Variants in TDRD6 observed in about 807,000 individuals in gnomAD.
The protein encoded by TDRD6 is tudor domain-containing protein 6.
Under a neutral mutation model 157.5 loss-of-function variants are expected in TDRD6, and 186 were observed. The ratio of observed to expected loss-of-function variants is 1.18; its 90% confidence interval spans 1.05 to 1.33. The LOEUF (loss-of-function observed/expected upper bound fraction) is 1.33, where lower values mean the gene tolerates loss of function less well. Ranked by LOEUF, TDRD6 falls within the 40% of genes most tolerant of loss-of-function variation. The pLI, the probability that TDRD6 is intolerant of heterozygous loss-of-function variation, is 0.00. For synonymous variants in TDRD6, 1,075 were observed against 945.2 expected, an observed-to-expected ratio of 1.14 and a Z score of -2.52; for missense variants, 3,066 against 2,508.0, an observed-to-expected ratio of 1.22 and a Z score of -4.75.
rs765123853 is a variant in TDRD6, at chr6:46,694,154, G to T, written c.6026G>T (p.Gly2009Val). The T allele has an allele frequency of 3.9e-6, 6 of 1,549,106 alleles. No homozygotes were observed. The African/African-American group carries it at 4.2e-5, about 11-fold the overall frequency. The change falls in exon 1 of 4, where the codon GGT becomes GTT. Residue 2009 changes from glycine (G) to valine (V), a missense_variant. Coordinates refer to ENST00000316081, the MANE Select transcript of TDRD6 (RefSeq NM_001010870.3). The part of the protein sequence containing the change: ...ESSDGSKHNN[G>V]LPDHISAQLQ... ...AGTGATGGAAGCAAGCACAATAATG[G>T]TTTACCAGATCATATCTCAGGTATG... is the stretch of plus-strand genomic sequence containing the variant.
chr6:46,683,586 TGA>T (rs1764013575), upstream of TDRD6, among the ~76,000 whole-genome samples: 1 of 152,214 alleles, frequency 6.6e-6, no homozygotes, highest in East Asian at 1.9e-4. Flanking sequence ...TATGAAAGTG[TGA>T]GTTTTACTGT....
In TDRD6 at chr6:46,691,763, C is replaced by A; in HGVS notation, c.3635C>A (p.Ser1212Ter). ...KLPNKEILEE[S>*]YKPQINSSYK... Reference sequence around the variant, plus strand: ...CCTAATAAAGAAATTTTGGAAGAGTCATATAAACCTCAGATCAACTCATCA... The same window carrying A: ...CCTAATAAAGAAATTTTGGAAGAGTAATATAAACCTCAGATCAACTCATCA... Residue 1212 changes from serine to a stop codon, truncating the protein, a stop_gained, in exon 1 of 4, where the codon TCA becomes TAA. Coordinates refer to ENST00000316081, the MANE Select transcript of TDRD6 (RefSeq NM_001010870.3). LOFTEE classifies it high-confidence loss of function. 6.3e-7 allele frequency: 1 copy of A among 1,594,798 alleles called. No individual in the cohort carries two copies. The highest frequency in any genetic ancestry group is 1.1e-5 in the South Asian group (1 of 87,238).
chr6:46,698,736 C>T (rs1764554718), intron 3 of TDRD6, among the ~76,000 whole-genome samples: 1 of 152,160 alleles, frequency 6.6e-6, no homozygotes, highest in South Asian at 2.1e-4. Context: ...AAATGGTCAG[C>T]TTTTCTTGGT....
At position 46,689,581 on chromosome 6, in the gene TDRD6, A is replaced by T; in HGVS notation, c.1453A>T (p.Met485Leu). 1 of 1,614,168 alleles carries T rather than the reference A, an allele frequency of 6.2e-7. No homozygotes were observed. The highest frequency in any genetic ancestry group is 1.1e-5 in the South Asian group (1 of 91,084). The change falls in exon 1 of 4, where the codon ATG becomes TTG. Residue 485 changes from methionine (M) to leucine (L), a missense_variant. By Grantham distance (15) the Met-to-Leu change is conservative. Transcript: ENST00000316081. ...AGCCTTAAGATCTATCAGGTTAAAG[A>T]TGAATGCCTTCTACGATGCGCAGGT... ...LPALRSIRLK[M>L]NAFYDAQVEF...
intron 3 of TDRD6, among the ~76,000 whole-genome samples, chr6:46,700,767 T>C (rs1216921276): frequency 6.6e-6 from 1 of 152,180 alleles, no homozygotes; most frequent in Non-Finnish European, 1.5e-5. Flanking sequence ...AAAGGGTACT[T>C]TACTCCCTGT....
In TDRD6 at chr6:46,689,597, A is replaced by C. The variant is rs749855993; in HGVS notation, c.1469A>C (p.Asp490Ala). 1 of 1,614,164 alleles carries C rather than the reference A, an allele frequency of 6.2e-7. No individual in the cohort carries two copies. Among genetic ancestry groups the C allele is most frequent in the Non-Finnish European group, 8.5e-7 (1 of 1,180,032 alleles). ...SIRLKMNAFY[D>A]AQVEFVKNPS... ...AGGTTAAAGATGAATGCCTTCTACG[A>C]TGCGCAGGTAGAGTTTGTTAAAAAT... is the stretch of plus-strand genomic sequence containing the variant. The change falls in exon 1 of 4, where the codon GAT becomes GCT. Residue 490 changes from aspartate to alanine, a missense_variant. Asp to Ala is a moderately radical substitution (Grantham distance 126, BLOSUM62 -2). Transcript: ENST00000316081.
rs1286012828 is a variant in TDRD6 at position 46,692,329 on chromosome 6, ATAGG to A, written c.4206_4209del (p.Arg1403LeufsTer31). The A allele has an allele frequency of 6.2e-6, 10 of 1,614,188 alleles. No individual in the cohort carries two copies. The highest frequency in any genetic ancestry group is 1.1e-5 in the South Asian group (1 of 91,086). ...TGTTTCTGTGGTTCATACTAACAAAATAGGTAGGCTTGACCTTGTTAATGCAATA... is the reference window on the plus strand; with the variant it reads ...TGTTTCTGTGGTTCATACTAACAAAATAGGCTTGACCTTGTTAATGCAATA... On this transcript the variant is annotated frameshift_variant, in exon 1 of 4. Coordinates refer to ENST00000316081, the MANE Select transcript of TDRD6 (RefSeq NM_001010870.3). LOFTEE classifies it high-confidence loss of function.
chr6:46,681,871 G>A, the TDRD6 span, among the ~76,000 whole-genome samples: 1 of 152,040 alleles, frequency 6.6e-6, no homozygotes, highest in Non-Finnish European at 1.5e-5. Context: ...CTAGAATAAT[G>A]AAAATTCATA....
intron 3 of TDRD6, chr6:46,701,116 T>G (rs1764614686): frequency 2.6e-6 from 1 of 378,816 alleles, no homozygotes; most frequent in East Asian, 9.2e-5. Context: ...TACAATTTCT[T>G]AAAAATATTG....
In TDRD6 at chr6:46,690,526, A is replaced by G; in HGVS notation, c.2398A>G (p.Thr800Ala). 1 of 1,613,946 alleles carries G rather than the reference A, an allele frequency of 6.2e-7. No individual in the cohort carries two copies. Among genetic ancestry groups the G allele is most frequent in the Non-Finnish European group, 8.5e-7 (1 of 1,179,992 alleles). Reference sequence around the variant, plus strand: ...GACCAGGAACATACAAGGACTTAAAACTCTAATGTCTGATATTCAGTACTA... The same window carrying G: ...GACCAGGAACATACAAGGACTTAAAGCTCTAATGTCTGATATTCAGTACTA... The part of the protein sequence containing the change: ...QLTRNIQGLK[T>A]LMSDIQYYCK... Residue 800 changes from threonine to alanine, a missense_variant, in exon 1 of 4, where the codon ACT (threonine) becomes GCT (alanine). Coordinates refer to ENST00000316081, the MANE Select transcript of TDRD6 (RefSeq NM_001010870.3).
In TDRD6 at chr6:46,690,429, G is replaced by A; in HGVS notation, c.2301G>A (p.Glu767=). 6.2e-7 allele frequency: 1 copy of A among 1,614,080 alleles called. No homozygotes were observed. The highest frequency in any genetic ancestry group is 8.5e-7 in the Non-Finnish European group (1 of 1,180,022). ...AGCCAGGCTCCTCTAGTAAAGGAGAGCTGGAAGTTGGAAGTACAGTAGAAG... is the reference window on the plus strand; with the variant it reads ...AGCCAGGCTCCTCTAGTAAAGGAGAACTGGAAGTTGGAAGTACAGTAGAAG... ...EIKPGSSSKG[E]LEVGSTVEVR... is the part of the protein sequence containing the mutation. The change falls in exon 1 of 4, where the codon GAG becomes GAA. Residue 767 remains glutamate, a synonymous_variant. Coordinates refer to ENST00000316081, the MANE Select transcript of TDRD6 (RefSeq NM_001010870.3).
Position 46,690,816 on chromosome 6 carries a change from T to G in TDRD6, c.2688T>G (p.Phe896Leu). ...NLIQPVGQNP[F>L]VWDVKAIQAF... ...TTCAACCAGTTGGCCAGAATCCCTT[T>G]GTTTGGGATGTAAAGGCAATACAAG... The change falls in exon 1 of 4, where the codon TTT becomes TTG. Residue 896 changes from phenylalanine to leucine, a missense_variant. By Grantham distance (22) the Phe-to-Leu change is conservative. Transcript: ENST00000316081. The G allele has an allele frequency of 1.2e-6, 2 of 1,613,916 alleles. No individual in the cohort carries two copies. The highest frequency in any genetic ancestry group is 2.2e-5 in the South Asian group (2 of 91,062).
At chr6:46,680,314 G>T in the TDRD6 span, among the ~76,000 whole-genome samples, 43 of 151,364 alleles carry the variant, frequency 2.8e-4, no homozygotes, top group African/African-American at 8.5e-4. Flanking sequence ...AACGGAGGGA[G>T]ACTCTGTCCG....
chr6:46,689,929 A>C lies in TDRD6; in HGVS notation c.1801A>C (p.Thr601Pro), dbSNP rs755174374. The change falls in exon 1 of 4, where the codon ACC becomes CCC. Residue 601 changes from threonine to proline, a missense_variant. Transcript: ENST00000316081. ...GCTACCAATATTGGCTGTGAAGTGC[A>C]CCCTGGCTGATATTTGGCCTTTGGG... is the stretch of plus-strand genomic sequence containing the variant. ...RQLPILAVKC[T>P]LADIWPLGKT... 2 of 1,614,162 alleles carry C rather than the reference A, an allele frequency of 1.2e-6. No homozygotes were observed. Among genetic ancestry groups the C allele is most frequent in the East Asian group, 2.2e-5 (1 of 44,874 alleles).
upstream of TDRD6, among the ~76,000 whole-genome samples, chr6:46,686,915 CTG>C (rs1393537256): frequency 2.0e-5 from 3 of 152,184 alleles, no homozygotes; most frequent in African/African-American, 7.2e-5. Context: ...ACTGAAGACA[CTG>C]AGATTTACAG....
Position 46,689,156 on chromosome 6 carries a change from T to C in TDRD6, c.1028T>C (p.Val343Ala). The C allele has an allele frequency of 6.2e-7, 1 of 1,614,174 alleles. No homozygotes were observed. The highest frequency in any genetic ancestry group is 8.5e-7 in the Non-Finnish European group (1 of 1,180,020). Residue 343 changes from valine to alanine, a missense_variant, in exon 1 of 4, where the codon GTG becomes GCG. Val to Ala is a moderately conservative substitution (Grantham distance 64). Transcript: ENST00000316081. ...ETFRPQRCAQ[V>A]LHVDYGRKEL... ...TTTCGGCCCCAGCGCTGTGCCCAGG[T>C]GCTTCATGTGGACTATGGAAGGAAG... is the stretch of plus-strand genomic sequence containing the variant.
chr6:46,691,830 C>A lies in TDRD6; in HGVS notation c.3702C>A (p.Asn1234Lys), dbSNP rs753088491. ...TTTTACAAAGTTTAACAAAAACAAA[C>A]TTAGTCACTCAATATCAAGACTCTG... ...LKLLQSLTKT[N>K]LVTQYQDSVG... The change falls in exon 1 of 4, where the codon AAC (asparagine) becomes AAA (lysine). Residue 1234 changes from asparagine to lysine, a missense_variant. Asn to Lys is a moderately conservative substitution (Grantham distance 94). Coordinates refer to ENST00000316081, the MANE Select transcript of TDRD6 (RefSeq NM_001010870.3). The A allele has an allele frequency of 2.5e-6, 4 of 1,603,804 alleles. No individual in the cohort carries two copies. Among genetic ancestry groups the A allele is most frequent in the Non-Finnish European group, 3.4e-6 (4 of 1,177,556 alleles).
At chr6:46,698,594 T>TC (rs1189816284) in intron 3 of TDRD6, among the ~76,000 whole-genome samples, 3 of 152,238 alleles carry the variant, frequency 2.0e-5, no homozygotes, top group Admixed American at 1.3e-4. Flanking sequence ...TTATGATGTG[T>TC]CTGGGCATTT....
At position 46,689,181 on chromosome 6, in the gene TDRD6, G is replaced by A. The variant is rs1764222834; in HGVS notation, c.1053G>A (p.Lys351=). The A allele has an allele frequency of 1.2e-6, 2 of 1,614,098 alleles. No individual in the cohort carries two copies. The highest frequency in any genetic ancestry group is 1.3e-5 in the African/African-American group (1 of 74,934). ...TGCTTCATGTGGACTATGGAAGGAA[G>A]GAGTTAGTGAGTTGCAGCAGCCTTC... ...AQVLHVDYGR[K]ELVSCSSLRY... is the part of the protein sequence containing the mutation. The change falls in exon 1 of 4, where the codon AAG becomes AAA. Residue 351 remains lysine (K), a synonymous_variant. Transcript: ENST00000316081.
Sources: gnomAD v4.1 joint callset for allele counts (sites outside exome capture counted in the v4.1 genomes callset) on GRCh38, gnomAD v4.1.1 for gene constraint, MANE v1.5 for transcripts, NCBI Gene and HGNC (gene_info 2026-07-23, HGNC 2026-07-21) for gene names.